ELP4: variants seen among roughly 807,000 people sequenced by gnomAD.
ELP4 encodes elongator complex protein 4.
Under a neutral mutation model 48.9 loss-of-function variants are expected in ELP4, and 51 were observed. The ratio of observed to expected loss-of-function variants is 1.04; its 90% CI spans 0.83 to 1.32. ELP4 has a LOEUF of 1.32. ELP4 is among the 40% of genes most tolerant of loss of function. The probability of loss-of-function intolerance (pLI) is 0.00; values close to 1 mark genes in which losing one functional copy is unlikely to be tolerated. For missense variants in ELP4, 519 were observed against 514.6 expected (o/e 1.01, Z -0.08); for synonymous variants, 210 against 189.2 (o/e 1.11, Z -0.90).
At chr11:31,762,666 T>C (rs896827143) in intron 9 of ELP4, among the ~76,000 whole-genome samples, 1 of 151,942 alleles carries the variant, frequency 6.6e-6, no homozygotes, top group African/African-American at 2.4e-5. Flanking sequence ...ATCATATGTA[T>C]GATTAATTTT....
At chr11:31,702,553 T>G (rs1475291505) in intron 9 of ELP4, among the ~76,000 whole-genome samples, 6 of 152,120 alleles carry the variant, frequency 3.9e-5, no homozygotes, top group Non-Finnish European at 8.8e-5. Flanking sequence ...AGAGATAAAT[T>G]TTATGCTATG....
intron 9 of ELP4, among the ~76,000 whole-genome samples, chr11:31,661,917 C>A (rs974843586): frequency 9.2e-5 from 14 of 151,984 alleles, no homozygotes; most frequent in African/African-American, 2.7e-4. Flanking sequence ...TTTAAATACA[C>A]ATTATCAGTA....
At chr11:31,686,564 A>G (rs776347502) in intron 9 of ELP4, among the ~76,000 whole-genome samples, 11 of 152,086 alleles carry the variant, frequency 7.2e-5, no homozygotes, top group Non-Finnish European at 1.2e-4. Context: ...TGCAGAGATT[A>G]CCAATCAGAT....
intron 9 of ELP4, among the ~76,000 whole-genome samples, chr11:31,727,092 A>G (rs977469849): frequency 1.3e-5 from 2 of 151,990 alleles, no homozygotes; most frequent in Non-Finnish European, 2.9e-5. Context: ...AAACATCACT[A>G]TCTATGGACA....
In ELP4 at chr11:31,679,080, A is replaced by G. The variant is rs575006959; in HGVS notation, c.1143+28859A>G. On this transcript the variant is annotated intron_variant, in intron 9 of 9. Transcript: ENST00000640961. ...ATCTGTCTTCTTTGGTGAGTTGTCT[A>G]TGCACATCTTTTGCCCATTTTTAAA... Among the ~76,000 whole-genome samples the G allele has an allele frequency of 9.9e-5, 15 of 152,268 alleles. No homozygotes were observed. The South Asian group carries it at 2.3e-3, about 23-fold the overall frequency.
intron 5 of ELP4, among the ~76,000 whole-genome samples, chr11:31,616,746 T>TA (rs1944493341): frequency 6.6e-6 from 1 of 152,004 alleles, no homozygotes. Context: ...CCTGACTTTA[T>TA]AAAATAGGCA....
chr11:31,627,012 G>T, intron 5 of ELP4, 98 bp from the exon 6 acceptor site: 4 of 663,072 alleles, frequency 6.0e-6, no homozygotes, highest in Non-Finnish European at 8.1e-6. Context: ...TCTAATAAAT[G>T]TATGCCTTTT....
At chr11:31,722,718 TC>T (rs1273862756) in intron 9 of ELP4, among the ~76,000 whole-genome samples, 2,099 of 99,022 alleles carry the variant, frequency 0.021, 48 homozygotes, top group African/African-American at 0.12. Context: ...TCTCTCTCTC[TC>T]TCTCTCTTTC....
intron 2 of ELP4, among the ~76,000 whole-genome samples, chr11:31,536,841 T>C (rs1308296869): frequency 6.6e-6 from 1 of 152,230 alleles, no homozygotes; most frequent in African/African-American, 2.4e-5. Flanking sequence ...TTTGTGTTCT[T>C]ACTGCATTAT....
chr11:31,576,220 C>G (rs1379268661), intron 3 of ELP4, among the ~76,000 whole-genome samples: 1 of 152,170 alleles, frequency 6.6e-6, no homozygotes, highest in Non-Finnish European at 1.5e-5. Flanking sequence ...GTAAAGGTAT[C>G]AATTCAACAA....
intron 3 of ELP4, among the ~76,000 whole-genome samples, chr11:31,585,031 A>G (rs1458364299): frequency 6.6e-6 from 1 of 152,198 alleles, no homozygotes; most frequent in Non-Finnish European, 1.5e-5. Flanking sequence ...ATTTTAGGGT[A>G]AGATATCAGA....
At chr11:31,711,419 T>G (rs1429274685) in intron 9 of ELP4, among the ~76,000 whole-genome samples, 3 of 152,136 alleles carry the variant, frequency 2.0e-5, no homozygotes, top group Non-Finnish European at 4.4e-5. Flanking sequence ...CTGAATCATT[T>G]CCTCTATAAA....
chr11:31,766,069 A>G (rs544790519), intron 9 of ELP4, among the ~76,000 whole-genome samples: 14 of 151,980 alleles, frequency 9.2e-5, no homozygotes, highest in Non-Finnish European at 1.5e-4. Context: ...TGCTTCATCT[A>G]TTTTTTAAAG....
At chr11:31,573,967 C>G (rs1326264139) in intron 3 of ELP4, among the ~76,000 whole-genome samples, 3 of 152,166 alleles carry the variant, frequency 2.0e-5, no homozygotes, top group Non-Finnish European at 4.4e-5. Flanking sequence ...GAGGAGGACA[C>G]TAACATTGAG....
chr11:31,528,817 G>A (rs1565036866), intron 2 of ELP4, among the ~76,000 whole-genome samples: 1 of 151,998 alleles, frequency 6.6e-6, no homozygotes, highest in Non-Finnish European at 1.5e-5. Context: ...AAAACCCAAG[G>A]CATTCAACCT....
chr11:31,790,093 T>C lies in ELP4; in HGVS notation c.*6569T>C. The stretch of plus-strand genomic sequence containing the variant: ...CAGACATGGAATACAAATTTATAGG[T>C]TTACAAAAAAAAAAAAAAAAAAAAA... On this transcript the variant is annotated 3_prime_UTR_variant, in exon 10 of 10. Coordinates refer to ENST00000640961, the MANE Select transcript of ELP4 (RefSeq NM_019040.5). 4.2e-6 allele frequency: 1 copy of C among 236,718 alleles called. No homozygotes were observed. The highest frequency in any genetic ancestry group is 7.0e-6 in the Non-Finnish European group (1 of 142,870). The allele number at this position is 236,718 out of a possible 1,614,324, so 14.7% of individuals were successfully genotyped here. A position where few individuals can be genotyped will look rare whatever the true frequency, so the allele number is the denominator to read the frequency against.
At chr11:31,633,187 A>G (rs867597359) in intron 7 of ELP4, 35 of 152,242 alleles carry the variant, frequency 2.3e-4, no homozygotes, top group African/African-American at 7.9e-4. Flanking sequence ...TCTCTGTTCC[A>G]ACATACCCAG....
intron 9 of ELP4, among the ~76,000 whole-genome samples, chr11:31,676,348 A>G (rs1337108324): frequency 3.3e-5 from 5 of 152,132 alleles, no homozygotes; most frequent in Non-Finnish European, 7.4e-5. Flanking sequence ...GCCATTGCCA[A>G]TCACTCTTAA....
chr11:31,725,123 C>T (rs1947049337), intron 9 of ELP4, among the ~76,000 whole-genome samples: 2 of 152,308 alleles, frequency 1.3e-5, no homozygotes, highest in East Asian at 3.9e-4. Flanking sequence ...ATTATGACTG[C>T]TTCTCTGACT....
Sources: allele counts gnomAD v4.1 joint callset (sites outside exome capture counted in the v4.1 genomes callset), GRCh38; gene constraint gnomAD v4.1.1; transcripts MANE v1.5; gene names NCBI Gene and HGNC (gene_info 2026-07-23, HGNC 2026-07-21).